MARCO: variants seen among roughly 807,000 people sequenced by gnomAD.
MARCO encodes macrophage receptor MARCO.
A neutral mutation model predicts 70.0 loss-of-function variants in MARCO; 72 were observed. The ratio of observed to expected loss-of-function variants is 1.03; its 90% CI spans 0.85 to 1.25. The LOEUF (loss-of-function observed/expected upper bound fraction) is 1.25, where lower values mean the gene tolerates loss of function less well. Among genes scored for constraint, MARCO ranks in the 50% most tolerant of loss-of-function variants. MARCO has a pLI of 0.00. For missense variants in MARCO, 696 were observed against 659.3 expected (o/e 1.06, Z -0.61); for synonymous variants, 273 against 243.1 (o/e 1.12, Z -1.14).
At chr2:118,969,638 A>G (rs1368026649) in intron 2 of MARCO, among the ~76,000 whole-genome samples, 3 of 152,198 alleles carry the variant, frequency 2.0e-5, no homozygotes, top group Non-Finnish European at 4.4e-5. Context: ...TTACTTTTGA[A>G]GTATTCCCAA....
chr2:118,988,666 T>C (rs1313899085), intron 12 of MARCO, among the ~76,000 whole-genome samples: 1 of 152,144 alleles, frequency 6.6e-6, no homozygotes, highest in Non-Finnish European at 1.5e-5. Context: ...AATGTGATCT[T>C]TCGCCCAACC....
At position 118,974,527 on chromosome 2, in the gene MARCO, C is replaced by T. The variant is rs765172623; in HGVS notation, c.575C>T (p.Ser192Leu). 56 of 1,613,782 alleles carry T rather than the reference C, an allele frequency of 3.5e-5. No individual in the cohort carries two copies. The highest frequency in any genetic ancestry group is 1.8e-4 in the South Asian group (16 of 90,998). Residue 192 changes from serine (S) to leucine (L), a missense_variant, in exon 6 of 17, where the codon TCG (serine) becomes TTG (leucine). Transcript: ENST00000327097. ...AATTCCCTTTCCCTTCCAGGCCCCT[C>T]GGGACCCCAAGGCCCACCGGGAGTC... The part of the protein sequence containing the change: ...AMGRDGATGP[S>L]GPQGPPGVKG...
chr2:118,982,947 T>C (rs1266698857), intron 12 of MARCO, among the ~76,000 whole-genome samples: 1 of 152,256 alleles, frequency 6.6e-6, no homozygotes, highest in African/African-American at 2.4e-5. Flanking sequence ...TAAACCATTG[T>C]ACCAATATAG....
At chr2:118,955,734 A>T (rs1302929876) in intron 1 of MARCO, among the ~76,000 whole-genome samples, 1 of 152,230 alleles carries the variant, frequency 6.6e-6, no homozygotes, top group Non-Finnish European at 1.5e-5. Flanking sequence ...AGGAAAACCT[A>T]TCAGATTAAC....
At chr2:118,990,559 TCCCCCC>T in intron 12 of MARCO, 24 bp from the exon 13 acceptor site, 3 of 1,308,794 alleles carry the variant, frequency 2.3e-6, no homozygotes, top group Non-Finnish European at 3.2e-6. Context: ...TATTATCTCC[TCCCCCC>T]CCCCTTTTTT....
chr2:118,942,375 A>G lies in MARCO; in HGVS notation c.75A>G (p.Ala25=), dbSNP rs200554227. The G allele has an allele frequency of 3.4e-5, 55 of 1,613,592 alleles. No individual in the cohort carries two copies. Among genetic ancestry groups the G allele is most frequent in the Non-Finnish European group, 4.5e-5 (53 of 1,179,554 alleles). ...ETQQAAFHQI[A]MEPFEINVPK... ...AACAAGCTGCTTTTCACCAAATTGC[A>G]ATGGAGCCTTTCGAAATCAATGGTA... Residue 25 remains alanine, a synonymous_variant, in exon 1 of 17, where the codon GCA becomes GCG. Transcript: ENST00000327097.
At chr2:118,950,795 C>G (rs1238528396) in intron 1 of MARCO, among the ~76,000 whole-genome samples, 2 of 106,002 alleles carry the variant, frequency 1.9e-5, no homozygotes, top group African/African-American at 1.1e-4. Flanking sequence ...ATTCTCCCCT[C>G]CCCCCTTTTT....
chr2:118,974,365 C>A lies in MARCO; in HGVS notation c.493C>A (p.Pro165Thr). ...AGGTCACAAGGGGGCCATGGGCATG[C>A]CTGGTGCCCCTGGCCCGCCGGGACC... The part of the protein sequence containing the change: ...LQGHKGAMGM[P>T]GAPGPPGPPA... The change falls in exon 5 of 17, where the codon CCT becomes ACT. Residue 165 changes from proline to threonine, a missense_variant. By Grantham distance (38) the Pro-to-Thr change is conservative. This residue lies in a region of MARCO where 605 missense variants were observed against 537.6 expected (regional missense o/e 1.13). Coordinates refer to ENST00000327097, the MANE Select transcript of MARCO (RefSeq NM_006770.4). 6.2e-7 allele frequency: 1 copy of A among 1,606,936 alleles called. No individual in the cohort carries two copies. Among genetic ancestry groups the A allele is most frequent in the Non-Finnish European group, 8.5e-7 (1 of 1,176,968 alleles).
At chr2:118,962,057 T>C (rs1229595476) in intron 1 of MARCO, among the ~76,000 whole-genome samples, 1 of 152,218 alleles carries the variant, frequency 6.6e-6, no homozygotes, top group Non-Finnish European at 1.5e-5. Context: ...CTGAGTTGTC[T>C]ATTCTGTTCC....
Position 118,991,792 on chromosome 2 carries a change from A to G in MARCO, c.1124A>G (p.Lys375Arg). 2 of 1,591,310 alleles carry G rather than the reference A, an allele frequency of 1.3e-6. No homozygotes were observed. The highest frequency in any genetic ancestry group is 1.7e-6 in the Non-Finnish European group (2 of 1,170,232). ...ESGVPGPAGV[K>R]GEQGSPGLAG... ...CTCCTTCCAGGCCCTGCAGGTGTGA[A>G]GGGAGAACAGGGGAGCCCAGGGCTG... is the stretch of plus-strand genomic sequence containing the variant. Residue 375 changes from lysine (K) to arginine (R), a missense_variant, in exon 14 of 17, where the codon AAG (lysine) becomes AGG (arginine). By Grantham distance (26) the Lys-to-Arg change is conservative (BLOSUM62 2). Around this residue, in one of 3 missense-constraint regions of MARCO, gnomAD observed 605 missense variants for 537.6 expected, o/e 1.13. Coordinates refer to ENST00000327097, the MANE Select transcript of MARCO (RefSeq NM_006770.4).
At chr2:118,991,958 T>C in intron 14 of MARCO, 83 bp downstream of exon 14, 2 of 984,788 alleles carry the variant, frequency 2.0e-6, no homozygotes, top group Non-Finnish European at 3.0e-6. Flanking sequence ...AAAGGCGCTG[T>C]TTTAAGAGTT....
chr2:118,979,438 T>C (rs1680348175), intron 8 of MARCO, among the ~76,000 whole-genome samples: 1 of 152,046 alleles, frequency 6.6e-6, no homozygotes, highest in Non-Finnish European at 1.5e-5. Context: ...ACCAGGAACA[T>C]GGTTGGGTGG....
chr2:118,976,091 G>C (rs770785180), intron 6 of MARCO, among the ~76,000 whole-genome samples: 32 of 152,134 alleles, frequency 2.1e-4, no homozygotes, highest in Non-Finnish European at 4.3e-4. Flanking sequence ...CCAGAAGCCT[G>C]AGGAGCACAG....
At chr2:118,966,827 T>C (rs1377066887) in intron 1 of MARCO, among the ~76,000 whole-genome samples, 2 of 152,214 alleles carry the variant, frequency 1.3e-5, no homozygotes, top group Admixed American at 6.5e-5. Context: ...TCCATGACAC[T>C]GTATTTGCCA....
At chr2:118,946,227 C>T (rs766827650) in intron 1 of MARCO, among the ~76,000 whole-genome samples, 1 of 152,134 alleles carries the variant, frequency 6.6e-6, no homozygotes, top group African/African-American at 2.4e-5. Context: ...GATATTGGTG[C>T]AATCCATAGA....
intron 12 of MARCO, among the ~76,000 whole-genome samples, chr2:118,986,660 G>A (rs779693712): frequency 0.33 from 9,107 of 27,740 alleles, 999 homozygotes; most frequent in Non-Finnish European, 0.38. Flanking sequence ...AAAGAAGGAA[G>A]GAAGGAAGGA....
intron 1 of MARCO, among the ~76,000 whole-genome samples, chr2:118,958,810 C>G (rs1006210027): frequency 6.6e-6 from 1 of 152,098 alleles, no homozygotes; most frequent in African/African-American, 2.4e-5. Context: ...AAAAATAGCA[C>G]ATAGACCAAT....
intron 1 of MARCO, among the ~76,000 whole-genome samples, chr2:118,957,243 A>C (rs1455919643): frequency 6.6e-6 from 1 of 152,172 alleles, no homozygotes; most frequent in Non-Finnish European, 1.5e-5. Context: ...CGTTAACAAG[A>C]TAAACGAAGG....
At chr2:118,981,343 AGAG>A (rs1680384413) in intron 8 of MARCO, 63 bp from the exon 9 acceptor site, 1 of 1,000,354 alleles carries the variant, frequency 1.0e-6, no homozygotes, top group Non-Finnish European at 1.5e-6. Context: ...GGGAAGTGTC[AGAG>A]GAGGACATGG....
Sources: allele counts gnomAD v4.1 joint callset (sites outside exome capture counted in the v4.1 genomes callset), GRCh38; gene constraint gnomAD v4.1.1; regional missense constraint gnomAD v4.1.1; transcripts MANE v1.5; gene names NCBI Gene and HGNC (gene_info 2026-07-23, HGNC 2026-07-21).